The following MAP3K19 variants were observed in gnomAD, a reference collection of about 807,000 sequenced individuals.
The protein encoded by MAP3K19 is SPS1/STE20-related protein kinase YSK4.
In MAP3K19, 91 loss-of-function variants were observed where a neutral mutation model predicts 114.4. That is an observed-to-expected ratio of 0.80 (90% CI 0.67 to 0.95). The LOEUF is 0.95. Ranked by LOEUF, MAP3K19 falls within the 40% of genes least tolerant of loss-of-function variation. The probability of loss-of-function intolerance (pLI) is 0.00; values close to 1 mark genes in which losing one functional copy is unlikely to be tolerated. For synonymous variants in MAP3K19, 518 were observed against 530.5 expected (o/e 0.98, Z 0.32); for missense variants, 1,471 against 1,573.2 (o/e 0.94, Z 1.10).
intron 12 of MAP3K19, among the ~76,000 whole-genome samples, chr2:134,977,425 C>T (rs1011965251): frequency 5.4e-5 from 7 of 129,230 alleles, no homozygotes; most frequent in African/African-American, 2.1e-4. Context: ...TGCAGTGGAG[C>T]AATCTCGGCT....
chr2:134,983,582 G>A, intron 11 of MAP3K19, 94 bp downstream of exon 11: 1 of 834,836 alleles, frequency 1.2e-6, no homozygotes, highest in Non-Finnish European at 1.8e-6. Context: ...CTTGCCAGAG[G>A]AAGCAGGGAG....
intron 5 of MAP3K19, among the ~76,000 whole-genome samples, chr2:135,009,093 A>G (rs1035556800): frequency 6.6e-6 from 1 of 151,126 alleles, no homozygotes; most frequent in African/African-American, 2.4e-5. Flanking sequence ...CTGGGGTTAC[A>G]GGTGCCCACC....
At chr2:135,046,265 A>C (rs1227767724) in intron 1 of MAP3K19, among the ~76,000 whole-genome samples, 1 of 151,330 alleles carries the variant, frequency 6.6e-6, no homozygotes, top group Non-Finnish European at 1.5e-5. Context: ...TTCCATTTAG[A>C]ATTGTTGTTG....
At chr2:135,011,266 G>A (rs979119408) in intron 5 of MAP3K19, among the ~76,000 whole-genome samples, 3 of 152,080 alleles carry the variant, frequency 2.0e-5, no homozygotes, top group Admixed American at 6.5e-5. Context: ...TGCCAGGCGC[G>A]GTGGCTCACG....
chr2:134,988,443 T>A (rs1685333212), intron 9 of MAP3K19, among the ~76,000 whole-genome samples, 190 bp from the exon 10 acceptor site: 1 of 152,172 alleles, frequency 6.6e-6, no homozygotes, highest in Non-Finnish European at 1.5e-5. Context: ...CAGGCTGGGG[T>A]GCAGTGGCAT....
chr2:134,994,057 G>A (rs1685813246), intron 8 of MAP3K19, among the ~76,000 whole-genome samples: 2 of 152,104 alleles, frequency 1.3e-5, no homozygotes, highest in Admixed American at 1.3e-4. Flanking sequence ...AATTAAAAAT[G>A]GCAGATTGAA....
intron 4 of MAP3K19, chr2:135,023,059 A>C (rs1052363503): frequency 6.5e-5 from 11 of 169,060 alleles, no homozygotes; most frequent in Admixed American, 2.9e-4. Context: ...CCCCTCTTTC[A>C]GTGGCTCCTC....
chr2:135,018,315 T>C (rs1574031998), intron 5 of MAP3K19, among the ~76,000 whole-genome samples: 1 of 142,696 alleles, frequency 7.0e-6, no homozygotes, highest in Non-Finnish European at 1.5e-5. Context: ...GAATTGATAG[T>C]AGTTTAATTG....
chr2:134,976,266 G>A (rs527293620), intron 12 of MAP3K19, among the ~76,000 whole-genome samples: 11 of 152,268 alleles, frequency 7.2e-5, no homozygotes, highest in South Asian at 2.1e-4. Flanking sequence ...CTCCCTCTCC[G>A]GAGCAATGCT....
chr2:134,985,029 T>C (rs16831224), intron 10 of MAP3K19, among the ~76,000 whole-genome samples: 42,890 of 152,150 alleles, frequency 0.28, 6,709 homozygotes, highest in Middle Eastern at 0.61. Flanking sequence ...ATAAATAATA[T>C]TTCAGTTTAC....
At chr2:135,007,160 G>C (rs1686882975) in intron 5 of MAP3K19, among the ~76,000 whole-genome samples, 1 of 136,266 alleles carries the variant, frequency 7.3e-6, no homozygotes, top group Non-Finnish European at 1.5e-5. Flanking sequence ...GTGAGACCCT[G>C]TCTCAAAAAA....
chr2:134,988,534 G>A (rs1477462657), intron 9 of MAP3K19, among the ~76,000 whole-genome samples: 1 of 152,030 alleles, frequency 6.6e-6, no homozygotes, highest in Admixed American at 6.6e-5. Context: ...GGGACTGCAG[G>A]CATGTGCCAC....
chr2:135,041,338 CTT>C (rs761486547), intron 1 of MAP3K19, among the ~76,000 whole-genome samples: 10 of 142,832 alleles, frequency 7.0e-5, no homozygotes, highest in Admixed American at 7.1e-5. Context: ...TGCATGGAAC[CTT>C]TTTTTTTTTT....
chr2:135,025,638 G>A (rs1249152365), intron 3 of MAP3K19, among the ~76,000 whole-genome samples: 8 of 151,724 alleles, frequency 5.3e-5, no homozygotes, highest in Non-Finnish European at 1.0e-4. Context: ...TGCCTGCCTC[G>A]GCCTCCCAAA....
In MAP3K19 at chr2:135,024,706, G is replaced by C; in HGVS notation, c.-59C>G. 1.4e-6 allele frequency: 2 copies of C among 1,464,532 alleles called. No individual in the cohort carries two copies. The highest frequency in any genetic ancestry group is 1.4e-5 in the African/African-American group (1 of 71,462). 90.7% of individuals were successfully genotyped at this position (1,464,532 alleles called of 1,614,324 possible). On this transcript the variant is annotated 5_prime_UTR_variant, in exon 4 of 13. Coordinates refer to ENST00000392915, the MANE Select transcript of MAP3K19 (RefSeq NM_025052.5). ...CTCTATTTGTGACACATAATGTATTGCTGATTTTCCACTAAAATCACAAAG... is the reference window on the plus strand; with the variant it reads ...CTCTATTTGTGACACATAATGTATTCCTGATTTTCCACTAAAATCACAAAG...
intron 12 of MAP3K19, among the ~76,000 whole-genome samples, chr2:134,967,034 A>G (rs1406526545): frequency 6.6e-6 from 1 of 152,174 alleles, no homozygotes; most frequent in East Asian, 1.9e-4. Context: ...TGCCCCAGTC[A>G]CTTTGAACAA....
At chr2:134,969,666 G>A (rs944723148) in intron 12 of MAP3K19, among the ~76,000 whole-genome samples, 1 of 152,134 alleles carries the variant, frequency 6.6e-6, no homozygotes, top group African/African-American at 2.4e-5. Context: ...ACCAAAAATA[G>A]ACAAATGGAA....
chr2:134,989,535 G>A (rs928097315), intron 9 of MAP3K19, among the ~76,000 whole-genome samples: 1 of 152,138 alleles, frequency 6.6e-6, no homozygotes, highest in African/African-American at 2.4e-5. Flanking sequence ...GATTCATCCA[G>A]TGCTTAACCA....
In MAP3K19 at chr2:134,986,995, G is replaced by GACT. The variant is rs760328408; in HGVS notation, c.1874_1876dup (p.Lys625_Ser626insTer). On this transcript the variant is annotated stop_gained, in exon 10 of 13. Coordinates refer to ENST00000392915, the MANE Select transcript of MAP3K19 (RefSeq NM_025052.5). LOFTEE classifies it high-confidence loss of function. ...CGGTTGAACAGAGAGAGGAACACAT[G>GACT]ACTTCTGTGTTCCTGGATTTTTACA... 6.8e-6 allele frequency: 11 copies of GACT among 1,613,442 alleles called. No individual in the cohort carries two copies. The East Asian group carries it at 2.0e-4, about 29-fold the overall frequency.
Sources: gnomAD v4.1 joint callset for allele counts (sites outside exome capture counted in the v4.1 genomes callset) on GRCh38, gnomAD v4.1.1 for gene constraint, MANE v1.5 for transcripts, NCBI Gene and HGNC (gene_info 2026-07-23, HGNC 2026-07-21) for gene names.